The following NTM variants were observed in gnomAD, a reference collection of about 807,000 sequenced individuals.
NTM encodes the protein IgLON family member 2.
Under a neutral mutation model 42.1 loss-of-function variants are expected in NTM, and 13 were observed. The observed-to-expected ratio is 0.31, with a 90% CI of 0.20 to 0.49. The LOEUF (loss-of-function observed/expected upper bound fraction) is 0.49. NTM is among the 20% of genes least tolerant of loss of function. The probability of loss-of-function intolerance (pLI) is 0.99; values close to 1 mark genes in which losing one functional copy is unlikely to be tolerated. For missense variants in NTM, 373 were observed against 452.8 expected, an observed-to-expected ratio of 0.82 and a Z score of 1.60; for synonymous variants, 187 against 179.2, an observed-to-expected ratio of 1.04 and a Z score of -0.35.
chr11:132,129,048 G>A (rs1434976533), intron 2 of NTM, among the ~76,000 whole-genome samples: 1 of 151,626 alleles, frequency 6.6e-6, no homozygotes, highest in Non-Finnish European at 1.5e-5. Flanking sequence ...GTCCCAGCAG[G>A]TTATTGAGTG....
At chr11:131,890,755 G>C (rs1361416210) in intron 1 of NTM, among the ~76,000 whole-genome samples, 1 of 152,186 alleles carries the variant, frequency 6.6e-6, no homozygotes, top group Admixed American at 6.5e-5. Context: ...GTGTGCTGCT[G>C]ATGGTGCCAC....
At chr11:131,649,767 A>G (rs1468330392) in intron 1 of NTM, among the ~76,000 whole-genome samples, 1 of 152,200 alleles carries the variant, frequency 6.6e-6, no homozygotes, top group Non-Finnish European at 1.5e-5. Context: ...TAGTCCATGA[A>G]TAACCAATAA....
chr11:131,766,413 C>G (rs779162625), intron 1 of NTM, among the ~76,000 whole-genome samples: 5 of 152,102 alleles, frequency 3.3e-5, no homozygotes, highest in Non-Finnish European at 7.3e-5. Flanking sequence ...GGCGATGCGA[C>G]AGAATGGCAG....
intron 2 of NTM, among the ~76,000 whole-genome samples, chr11:131,986,059 G>A (rs998873606): frequency 2.0e-5 from 3 of 152,164 alleles, no homozygotes; most frequent in East Asian, 1.9e-4. Flanking sequence ...ATCTGACCCT[G>A]TTTTGGATTG....
intron 1 of NTM, among the ~76,000 whole-genome samples, chr11:131,435,377 G>C (rs1255881497): frequency 2.0e-5 from 3 of 152,132 alleles, no homozygotes; most frequent in Non-Finnish European, 4.4e-5. Context: ...AAATTACCTT[G>C]GGCAGTATGG....
chr11:131,387,315 T>C (rs1195728984), intron 1 of NTM, among the ~76,000 whole-genome samples: 1 of 151,956 alleles, frequency 6.6e-6, no homozygotes, highest in Non-Finnish European at 1.5e-5. Flanking sequence ...TCTCTCTCTC[T>C]CCCTCTCTCT....
chr11:132,166,463 T>C (rs1400212100), intron 3 of NTM, among the ~76,000 whole-genome samples: 1 of 152,138 alleles, frequency 6.6e-6, no homozygotes, highest in African/African-American at 2.4e-5. Context: ...TGTCAAAATC[T>C]TGAAAGGAAG....
chr11:131,505,390 A>G (rs2136408273), intron 1 of NTM, among the ~76,000 whole-genome samples: 1 of 152,328 alleles, frequency 6.6e-6, no homozygotes, highest in South Asian at 2.1e-4. Flanking sequence ...TGGTTCCCCA[A>G]ACAGCAGCCT....
intron 3 of NTM, among the ~76,000 whole-genome samples, chr11:132,168,181 A>C (rs531259332): frequency 1.3e-5 from 2 of 152,208 alleles, no homozygotes; most frequent in African/African-American, 4.8e-5. Context: ...TGTCTATTGC[A>C]CTGCACTTCA....
intron 2 of NTM, among the ~76,000 whole-genome samples, chr11:132,061,978 A>AATTGGTAG (rs2136038826): frequency 6.6e-6 from 1 of 152,172 alleles, no homozygotes; most frequent in Non-Finnish European, 1.5e-5. Context: ...TGCTAGTTTT[A>AATTGGTAG]ATTGGTAGAT....
chr11:131,432,260 C>G (rs1948715831), intron 1 of NTM, among the ~76,000 whole-genome samples: 1 of 152,092 alleles, frequency 6.6e-6, no homozygotes, highest in Admixed American at 6.5e-5. Context: ...CCCCGCCAGT[C>G]CGTGAGGAAA....
At chr11:132,240,850 A>G (rs950658635) in intron 4 of NTM, among the ~76,000 whole-genome samples, 1 of 152,234 alleles carries the variant, frequency 6.6e-6, no homozygotes, top group Non-Finnish European at 1.5e-5. Context: ...GTGGCTGGGG[A>G]AATCCCAAGT....
chr11:132,178,553 G>A (rs899051907), intron 3 of NTM, among the ~76,000 whole-genome samples: 1 of 152,112 alleles, frequency 6.6e-6, no homozygotes, highest in Non-Finnish European at 1.5e-5. Context: ...GGGAAATGGT[G>A]AAATATAAAT....
At chr11:131,810,341 T>C (rs1443216737) in intron 1 of NTM, among the ~76,000 whole-genome samples, 1 of 152,188 alleles carries the variant, frequency 6.6e-6, no homozygotes, top group Non-Finnish European at 1.5e-5. Flanking sequence ...CCTACCATTT[T>C]GTGGGCACCC....
intron 4 of NTM, among the ~76,000 whole-genome samples, chr11:132,277,048 G>A (rs1428290891): frequency 6.6e-6 from 1 of 152,128 alleles, no homozygotes; most frequent in African/African-American, 2.4e-5. Context: ...TTCTAGCAGT[G>A]CTTTGTAAAT....
intron 1 of NTM, among the ~76,000 whole-genome samples, chr11:131,549,282 G>A (rs2054333189): frequency 6.6e-6 from 1 of 152,116 alleles, no homozygotes; most frequent in African/African-American, 2.4e-5. Context: ...TGGTACCTGT[G>A]AGAACTTGAC....
chr11:131,516,380 C>T (rs1262423962), intron 1 of NTM, among the ~76,000 whole-genome samples: 1 of 152,076 alleles, frequency 6.6e-6, no homozygotes, highest in Non-Finnish European at 1.5e-5. Context: ...TGACCCTTTT[C>T]TTTTTATTTT....
chr11:132,330,138 T>TTTAA lies in NTM; in HGVS notation c.935-12_935-9dup. ...CTTTCGACCTTAACAGTGGCTTGTTTTTAATTTCTTTTAGAAGTGAAAACT... is the reference window on the plus strand; with the variant it reads ...CTTTCGACCTTAACAGTGGCTTGTTTTTAATTAATTTCTTTTAGAAGTGAAAACT... On this transcript the variant is annotated splice_polypyrimidine_tract_variant and intron_variant, in intron 7 of 8. Coordinates refer to ENST00000683400, the MANE Select transcript of NTM (RefSeq NM_001352005.2). 6.4e-6 allele frequency: 10 copies of TTTAA among 1,551,688 alleles called. No homozygotes were observed. Among genetic ancestry groups the TTTAA allele is most frequent in the Non-Finnish European group, 8.7e-6 (10 of 1,146,976 alleles).
intron 4 of NTM, among the ~76,000 whole-genome samples, chr11:132,228,803 T>G (rs2086850414): frequency 6.6e-6 from 1 of 152,174 alleles, no homozygotes; most frequent in South Asian, 2.1e-4. Flanking sequence ...CTAGACCTCT[T>G]GGTTTGGGTC....
Sources: gnomAD v4.1 joint callset for allele counts (sites outside exome capture counted in the v4.1 genomes callset) on GRCh38, gnomAD v4.1.1 for gene constraint, MANE v1.5 for transcripts, NCBI Gene and HGNC (gene_info 2026-07-23, HGNC 2026-07-21) for gene names.